TSPEAR: variants seen among roughly 807,000 people sequenced by gnomAD.
The protein encoded by TSPEAR is thrombospondin type laminin G domain and EAR repeats, also known as thrombospondin-type laminin G domain and EAR repeat-containing protein.
Under a neutral mutation model 71.6 loss-of-function variants are expected in TSPEAR, and 69 were observed. That is an observed-to-expected ratio of 0.96 (90% CI 0.79 to 1.18). The LOEUF (loss-of-function observed/expected upper bound fraction) is 1.18, where lower values mean the gene tolerates loss of function less well. Among genes scored for constraint, TSPEAR ranks in the 50% most tolerant of loss-of-function variants. The pLI is 0.00. For synonymous variants in TSPEAR, 402 were observed against 387.2 expected (o/e 1.04, Z -0.45); for missense variants, 971 against 894.9 (o/e 1.09, Z -1.09).
intron 9 of TSPEAR, among the ~76,000 whole-genome samples, chr21:44,515,325 G>A (rs940352323): frequency 4.6e-5 from 7 of 152,200 alleles, no homozygotes; most frequent in East Asian, 1.9e-4. Context: ...TGGTCCCAGC[G>A]CCTTCCCAGG....
At chr21:44,509,057 CCCCA>C in intron 10 of TSPEAR, 138 bp downstream of exon 10, 1 of 1,383,364 alleles carries the variant, frequency 7.2e-7, no homozygotes, top group South Asian at 1.3e-5. Flanking sequence ...ACAGGAAGGT[CCCCA>C]GGCCATTCTT....
chr21:44,681,713 G>A (rs1647884437), intron 1 of TSPEAR: 1 of 1,274,824 alleles, frequency 7.8e-7, no homozygotes. Flanking sequence ...AGAATTCAGA[G>A]GGTTCACTGA....
chr21:44,582,338 C>T (rs781887922), intron 1 of TSPEAR, among the ~76,000 whole-genome samples: 1 of 152,244 alleles, frequency 6.6e-6, no homozygotes, highest in Non-Finnish European at 1.5e-5. Flanking sequence ...CACGGCCATA[C>T]ATGGCTCCGT....
chr21:44,549,397 C>T (rs587773092), intron 2 of TSPEAR, among the ~76,000 whole-genome samples: 3 of 152,352 alleles, frequency 2.0e-5, no homozygotes, highest in Admixed American at 2.0e-4. Flanking sequence ...ACTGGAGAGA[C>T]AGTCAGGGCC....
rs140695802 is a variant in TSPEAR, at chr21:44,538,361, C to T, written c.304-4438G>A. On this transcript the variant is annotated intron_variant, in intron 2 of 11. Coordinates refer to ENST00000323084, the MANE Select transcript of TSPEAR (RefSeq NM_144991.3). ...ATGAGAGTGTCGCTGACTGTGTGCC[C>T]GCACCGGCATCATCTGTGGGAACCC... Among the ~76,000 whole-genome samples the T allele has an allele frequency of 1.9e-3, 286 of 152,084 alleles. 4 individuals are homozygous for T. Among genetic ancestry groups the T allele is most frequent in the Middle Eastern group, 0.014 (4 of 294 alleles).
intron 1 of TSPEAR, among the ~76,000 whole-genome samples, chr21:44,670,714 C>T (rs1402463280): frequency 6.6e-6 from 1 of 152,182 alleles, no homozygotes; most frequent in Non-Finnish European, 1.5e-5. Flanking sequence ...AAAGAGCCCA[C>T]ACTGGGTCTC....
chr21:44,678,051 A>G, intron 1 of TSPEAR: 1 of 726,510 alleles, frequency 1.4e-6, no homozygotes. Context: ...TCTGGGCCAC[A>G]GCGGTCACAC....
chr21:44,612,632 CCTGTCTG>C lies in TSPEAR; in HGVS notation c.83-44634_83-44628del, dbSNP rs782088751. 6.2e-7 allele frequency: 1 copy of C among 1,613,812 alleles called. No homozygotes were observed. Among genetic ancestry groups the C allele is most frequent in the Non-Finnish European group, 8.5e-7 (1 of 1,179,936 alleles). On this transcript the variant is annotated intron_variant, in intron 1 of 11. Transcript: ENST00000323084. The surrounding 1 kb of genome is among the most constrained non-coding windows in gnomAD (Gnocchi z 4.1). ...CTGCTGCAAGCCCATCTGCTGTGTG[CCTGTCTG>C]CTCTGGGGCTTCCTCTCTGTGCTGC...
intron 3 of TSPEAR, 128 bp downstream of exon 3, chr21:44,533,557 C>G: frequency 2.5e-6 from 2 of 800,264 alleles, no homozygotes; most frequent in Non-Finnish European, 3.9e-6. Flanking sequence ...CCCCATGGCT[C>G]CTGACCCTGG....
In TSPEAR at chr21:44,677,686, C is replaced by T. The variant is rs1010028753; in HGVS notation, c.82+33747G>A. ...CCTGCGGTTGCTGAAGCTGGAGTAT[C>T]TCCCTTTTGTTTTTGGAGTTGTGAG... is the stretch of plus-strand genomic sequence containing the variant. On this transcript the variant is annotated intron_variant, in intron 1 of 11. Coordinates refer to ENST00000323084, the MANE Select transcript of TSPEAR (RefSeq NM_144991.3). 13 of 1,415,680 alleles carry T rather than the reference C, an allele frequency of 9.2e-6. No homozygotes were observed. The African/African-American group carries it at 1.8e-4, about 20-fold the overall frequency. 87.7% of individuals were successfully genotyped at this position (1,415,680 alleles called of 1,614,324 possible). A position where few individuals can be genotyped will look rare whatever the true frequency, so the allele number is the denominator to read the frequency against.
rs147928587 is a variant in TSPEAR at position 44,556,549 on chromosome 21, T to C, written c.303+11236A>G. Among the ~76,000 whole-genome samples the C allele has an allele frequency of 3.2e-4, 48 of 152,132 alleles. No homozygotes were observed. In the East Asian group the frequency reaches 8.1e-3, roughly 26 times the overall value. On this transcript the variant is annotated intron_variant, in intron 2 of 11. Transcript: ENST00000323084. Reference sequence around the variant, plus strand: ...TTACTAAAAATACAAAAAAATTAGCTGGGCATGGTGGCCTGCGCCTGTAAT... The same window carrying C: ...TTACTAAAAATACAAAAAAATTAGCCGGGCATGGTGGCCTGCGCCTGTAAT...
At chr21:44,503,291 CG>C (rs1268956382) in intron 11 of TSPEAR, among the ~76,000 whole-genome samples, 2 of 128,758 alleles carry the variant, frequency 1.6e-5, no homozygotes, top group Non-Finnish European at 3.2e-5. Flanking sequence ...GGTGAGCCCT[CG>C]GGGGGAAGCA....
intron 1 of TSPEAR, among the ~76,000 whole-genome samples, chr21:44,615,524 G>C (rs1000574877): frequency 3.3e-5 from 5 of 151,328 alleles, no homozygotes; most frequent in Admixed American, 3.3e-4. Flanking sequence ...AGCTTAACCA[G>C]ATGTCATTAA....
intron 1 of TSPEAR, among the ~76,000 whole-genome samples, chr21:44,649,574 G>A (rs1438683946): frequency 1.3e-5 from 2 of 152,186 alleles, no homozygotes; most frequent in African/African-American, 2.4e-5. Flanking sequence ...TGGCCCACAC[G>A]CATGCCACAG....
At chr21:44,657,708 T>C (rs1985233700) in intron 1 of TSPEAR, among the ~76,000 whole-genome samples, 1 of 151,964 alleles carries the variant, frequency 6.6e-6, no homozygotes, top group African/African-American at 2.4e-5. Flanking sequence ...TGAAAAAAAT[T>C]GACAAAAAAC....
At position 44,558,795 on chromosome 21, in the gene TSPEAR, G is replaced by A. The variant is rs1555920537; in HGVS notation, c.303+8990C>T. 20 of 1,518,790 alleles carry A rather than the reference G, an allele frequency of 1.3e-5. No individual in the cohort carries two copies. The Admixed American group carries it at 1.4e-4, about 11-fold the overall frequency. The allele number at this position is 1,518,790 out of a possible 1,614,324, so 94.1% of individuals were successfully genotyped here. A position where few individuals can be genotyped will look rare whatever the true frequency, so the allele number is the denominator to read the frequency against. ...TGAGTGAGGGAGTGAGTGAGTGATC[G>A]TGCCAGGCCTCTGAGTGGTCGGAAC... is the stretch of plus-strand genomic sequence containing the variant. On this transcript the variant is annotated intron_variant, in intron 2 of 11. Coordinates refer to ENST00000323084, the MANE Select transcript of TSPEAR (RefSeq NM_144991.3).
At chr21:44,508,955 C>T (rs1555912254) in intron 10 of TSPEAR, 4 of 1,538,276 alleles carry the variant, frequency 2.6e-6, no homozygotes, top group Admixed American at 1.9e-5. Flanking sequence ...GGGCAGAACT[C>T]CGCACACAGC....
Position 44,623,850 on chromosome 21 carries a change from C to T in TSPEAR, c.83-55845G>A, listed in dbSNP as rs1347570631. 6.6e-6 allele frequency among the ~76,000 whole-genome samples: 1 copy of T among 151,826 alleles called. No homozygotes were observed. The highest frequency in any genetic ancestry group is 1.5e-5 in the Non-Finnish European group (1 of 67,970). On this transcript the variant is annotated intron_variant, in intron 1 of 11. Transcript: ENST00000323084. This position sits in a 1 kb window ranked among gnomAD's most constrained non-coding sequence, Gnocchi z 4.5. ...CCCTTGGCTGTTTTTAAATTTTTCT[C>T]TGTCTTTGGATTTCAGCCCCAATAT...
Position 44,558,175 on chromosome 21 carries a change from C to T in TSPEAR, c.303+9610G>A, listed in dbSNP as rs587750691. The T allele has an allele frequency of 1.7e-4, 256 of 1,542,912 alleles. No homozygotes were observed. The highest frequency in any genetic ancestry group is 5.2e-4 in the Middle Eastern group (3 of 5,794). ...CAGCAGCTGGGCTGGCAGGTGGAGG[C>T]AGGGGCACAGCAGGAGGGGATGGGC... On this transcript the variant is annotated intron_variant, in intron 2 of 11. Transcript: ENST00000323084.
Sources: allele counts gnomAD v4.1 joint callset (sites outside exome capture counted in the v4.1 genomes callset), GRCh38; gene constraint gnomAD v4.1.1; non-coding constraint Gnocchi (gnomAD v3.1); transcripts MANE v1.5; gene names NCBI Gene and HGNC (gene_info 2026-07-23, HGNC 2026-07-21).